MUC20: variants seen among roughly 807,000 people sequenced by gnomAD.
MUC20 encodes mucin-20.
In MUC20, 14 loss-of-function variants were observed where a neutral mutation model predicts 23.8. That is an observed-to-expected ratio of 0.59 (90% CI 0.39 to 0.92). MUC20 has a LOEUF of 0.92. Among genes scored for constraint, MUC20 ranks in the 40% least tolerant of loss-of-function variants. The probability of loss-of-function intolerance (pLI) is 0.00; values close to 1 mark genes in which losing one functional copy is unlikely to be tolerated. For synonymous variants in MUC20, 166 were observed against 279.3 expected, an observed-to-expected ratio of 0.59 and a Z score of 4.04; for missense variants, 375 against 668.8, an observed-to-expected ratio of 0.56 and a Z score of 4.85.
At chr3:195,729,604 C>G (rs764634402) in intron 2 of MUC20, 44 bp from the exon 3 acceptor site, 44 of 1,535,158 alleles carry the variant, frequency 2.9e-5, no homozygotes, top group Admixed American at 2.0e-5. Flanking sequence ...GTGTGAGCCA[C>G]TGCGCCCAGC....
Position 195,733,417 on chromosome 3 carries a change from TG to T in MUC20, c.*203del. ...GCTCACATCCACCGGAGTGTATGTG[TG>T]GGGAGGGGCTTCACCTGTTCCCAGA... On this transcript the variant is annotated 3_prime_UTR_variant, in exon 4 of 4. Coordinates refer to ENST00000447234, the MANE Select transcript of MUC20 (RefSeq NM_001282506.2). 2 of 1,438,150 alleles carry T rather than the reference TG, an allele frequency of 1.4e-6. No individual in the cohort carries two copies. Among genetic ancestry groups the T allele is most frequent in the Non-Finnish European group, 1.8e-6 (2 of 1,099,368 alleles). The allele number at this position is 1,438,150 out of a possible 1,614,324, so 89.1% of individuals were successfully genotyped here. A position where few individuals can be genotyped will look rare whatever the true frequency, so the allele number is the denominator to read the frequency against.
At chr3:195,722,099 C>T (rs781481553) in intron 1 of MUC20, 22 of 302,358 alleles carry the variant, frequency 7.3e-5, no homozygotes, top group South Asian at 1.4e-4. Context: ...CCATCATCAG[C>T]GTCCCCCACC....
In MUC20 at chr3:195,726,273, G is replaced by T. The variant is rs201067977; in HGVS notation, c.1670G>T (p.Gly557Val). 4.9e-4 allele frequency: 788 copies of T among 1,613,922 alleles called. No homozygotes were observed. The African/African-American group carries it at 6.7e-3, about 14-fold the overall frequency. ...SGAAPVSIEA[G>V]SAVGKTTSFA... is the part of the protein sequence containing the mutation. The stretch of plus-strand genomic sequence containing the variant: ...GCAGCTCCGGTCTCCATAGAGGCTG[G>T]GTCAGCAGTGGGCAAAACAACTTCC... Residue 557 changes from glycine to valine, a missense_variant, in exon 2 of 4, where the codon GGG (glycine) becomes GTG (valine). By Grantham distance (109) the Gly-to-Val change is moderately radical. Coordinates refer to ENST00000447234, the MANE Select transcript of MUC20 (RefSeq NM_001282506.2).
intron 1 of MUC20, among the ~76,000 whole-genome samples, chr3:195,721,406 G>C (rs547498258): frequency 1.3e-5 from 2 of 151,878 alleles, no homozygotes; most frequent in Non-Finnish European, 2.9e-5. Context: ...CTTTATGAAC[G>C]TGGGACAGTA....
intron 3 of MUC20, among the ~76,000 whole-genome samples, chr3:195,731,230 G>A (rs539823154): frequency 2.0e-4 from 31 of 152,350 alleles, no homozygotes; most frequent in African/African-American, 7.2e-4. Context: ...CAGTCAATGG[G>A]TGCCACACTG....
intron 3 of MUC20, 107 bp from the exon 4 acceptor site, chr3:195,733,043 G>A: frequency 8.1e-7 from 1 of 1,230,710 alleles, no homozygotes; most frequent in South Asian, 1.4e-5. Flanking sequence ...AGGAAGGGTT[G>A]CCGTCCTCCG....
chr3:195,725,040 A>G lies in MUC20; in HGVS notation c.437A>G (p.Asp146Gly). 1 of 1,600,590 alleles carries G rather than the reference A, an allele frequency of 6.2e-7. No individual in the cohort carries two copies. Among genetic ancestry groups the G allele is most frequent in the Non-Finnish European group, 8.5e-7 (1 of 1,176,930 alleles). ...GCCATCTTTGACACCCTTTGCACCGATGACAGCTCTGAAGAGGCAAAGACA... is the reference window on the plus strand; with the variant it reads ...GCCATCTTTGACACCCTTTGCACCGGTGACAGCTCTGAAGAGGCAAAGACA... ...REAIFDTLCT[D>G]DSSEEAKTLT... Residue 146 changes from aspartate (D) to glycine (G), a missense_variant, in exon 2 of 4, where the codon GAT becomes GGT. Coordinates refer to ENST00000447234, the MANE Select transcript of MUC20 (RefSeq NM_001282506.2).
At chr3:195,728,207 G>A (rs539243559) in intron 2 of MUC20, among the ~76,000 whole-genome samples, 4 of 152,264 alleles carry the variant, frequency 2.6e-5, no homozygotes, top group Non-Finnish European at 5.9e-5. Flanking sequence ...AACAACAGTG[G>A]GCCCAGGGGA....
intron 2 of MUC20, among the ~76,000 whole-genome samples, chr3:195,726,792 T>C (rs1413030789): frequency 6.6e-6 from 1 of 152,212 alleles, no homozygotes; most frequent in Admixed American, 6.5e-5. Context: ...TCCGGAGAAA[T>C]GGTTTGCGGT....
At chr3:195,727,927 T>C (rs529152689) in intron 2 of MUC20, among the ~76,000 whole-genome samples, 16 of 150,546 alleles carry the variant, frequency 1.1e-4, no homozygotes, top group Non-Finnish European at 2.1e-4. Flanking sequence ...GCATATGTTA[T>C]CTGATGCCAG....
intron 2 of MUC20, among the ~76,000 whole-genome samples, chr3:195,727,062 T>G (rs1216512179): frequency 6.6e-6 from 1 of 152,286 alleles, no homozygotes; most frequent in Non-Finnish European, 1.5e-5. Flanking sequence ...TGGGGCCTGC[T>G]GGATGCATTT....
chr3:195,733,085 C>T, intron 3 of MUC20, 65 bp from the exon 4 acceptor site: 2 of 1,524,446 alleles, frequency 1.3e-6, no homozygotes, highest in Admixed American at 2.0e-5. Context: ...CCTTCCTGTC[C>T]TCTGCCTCTG....
At chr3:195,728,738 C>G (rs1265437854) in intron 2 of MUC20, among the ~76,000 whole-genome samples, 5 of 91,954 alleles carry the variant, frequency 5.4e-5, no homozygotes, top group Non-Finnish European at 1.0e-4. Context: ...ATATTTCAGA[C>G]TATACATGGG....
In MUC20 at chr3:195,726,466, G is replaced by C. The variant is rs372141463; in HGVS notation, c.1863G>C (p.Thr621=). ...CTACAACCAACAGCAGCCGAGGGACGAACAGCACCTTAGCCAAGATCACAA... is the reference window on the plus strand; with the variant it reads ...CTACAACCAACAGCAGCCGAGGGACCAACAGCACCTTAGCCAAGATCACAA... ...PPTTTNSSRG[T]NSTLAKITTS... Residue 621 remains threonine, a synonymous_variant, in exon 2 of 4, where the codon ACG becomes ACC. Coordinates refer to ENST00000447234, the MANE Select transcript of MUC20 (RefSeq NM_001282506.2). The C allele has an allele frequency of 1.4e-5, 23 of 1,613,910 alleles. No individual in the cohort carries two copies. The South Asian group carries it at 2.2e-4, about 15-fold the overall frequency.
At chr3:195,722,846 CA>C (rs1473095758) in intron 1 of MUC20, 2 of 988,406 alleles carry the variant, frequency 2.0e-6, no homozygotes, top group Admixed American at 1.2e-4. Context: ...AGCTGGGCCG[CA>C]CTGGACCAGG....
At chr3:195,732,191 A>C (rs1254241410) in intron 3 of MUC20, among the ~76,000 whole-genome samples, 1 of 151,860 alleles carries the variant, frequency 6.6e-6, no homozygotes, top group African/African-American at 2.4e-5. Flanking sequence ...TTTAGTAGAG[A>C]TGGAGTTTCA....
chr3:195,726,602 G>A, intron 2 of MUC20, 30 bp downstream of exon 2: 1 of 1,587,654 alleles, frequency 6.3e-7, no homozygotes. Flanking sequence ...GATCTTCGGG[G>A]ATTTGGGATG....
chr3:195,728,900 G>A (rs1251085952), intron 2 of MUC20, among the ~76,000 whole-genome samples: 1 of 152,230 alleles, frequency 6.6e-6, no homozygotes, highest in African/African-American at 2.4e-5. Context: ...GGCACGTCCT[G>A]CACAGCCCTA....
chr3:195,729,335 T>TTTA, intron 2 of MUC20: 3 of 173,390 alleles, frequency 1.7e-5, no homozygotes, highest in South Asian at 1.8e-4. Context: ...TTTTTTTTTT[T>TTTA]GAGACAGTTT....
Sources: gnomAD v4.1 joint callset for allele counts (sites outside exome capture counted in the v4.1 genomes callset) on GRCh38, gnomAD v4.1.1 for gene constraint, MANE v1.5 for transcripts, NCBI Gene and HGNC (gene_info 2026-07-23, HGNC 2026-07-21) for gene names.